GPAT4: variants seen among roughly 807,000 people sequenced by gnomAD.
The protein encoded by GPAT4 is glycerol-3-phosphate acyltransferase 4, also known as 1-AGP acyltransferase 6.
GPAT4 carries 17 observed loss-of-function variants against 58.0 expected under a neutral mutation model. The ratio of observed to expected loss-of-function variants is 0.29; its 90% confidence interval spans 0.20 to 0.44. GPAT4 has a LOEUF of 0.44. GPAT4 is among the 20% of genes least tolerant of loss of function. The pLI is 1.00. For missense variants in GPAT4, 377 were observed against 574.5 expected (o/e 0.66, Z 3.51); for synonymous variants, 204 against 210.1 (o/e 0.97, Z 0.25).
At chr8:41,587,051 C>A (rs1197053658) in intron 1 of GPAT4, among the ~76,000 whole-genome samples, 1 of 152,216 alleles carries the variant, frequency 6.6e-6, no homozygotes, top group Admixed American at 6.5e-5. Context: ...GTGGCTCATG[C>A]CCCTGCCATC....
At chr8:41,588,674 G>GTACT (rs1802716127) in intron 1 of GPAT4, among the ~76,000 whole-genome samples, 1 of 152,162 alleles carries the variant, frequency 6.6e-6, no homozygotes, top group Non-Finnish European at 1.5e-5. Context: ...AACACCTGAT[G>GTACT]TACTGTCTGG....
chr8:41,611,889 T>A lies in GPAT4; in HGVS notation c.612-14T>A. 1 of 1,612,758 alleles carries A rather than the reference T, an allele frequency of 6.2e-7. No homozygotes were observed. The highest frequency in any genetic ancestry group is 8.5e-7 in the Non-Finnish European group (1 of 1,178,730). ...TGTAAAATAAAACCCAGAATCCTTG[T>A]CCTGTTATTGCAGGTTTAAGGAGTT... On this transcript the variant is annotated splice_polypyrimidine_tract_variant and intron_variant, in intron 5 of 12. Transcript: ENST00000396987.
chr8:41,612,436 C>A (rs1803472095), intron 7 of GPAT4, among the ~76,000 whole-genome samples, 163 bp downstream of exon 7: 1 of 152,154 alleles, frequency 6.6e-6, no homozygotes, highest in Non-Finnish European at 1.5e-5. Flanking sequence ...AGGAGATACC[C>A]TGGGCAGAGT....
rs924518374 is a variant in GPAT4 at position 41,609,290 on chromosome 8, A to G, written c.166-126A>G. 84 of 979,524 alleles carry G rather than the reference A, an allele frequency of 8.6e-5. 1 individual carries two copies. Among genetic ancestry groups the G allele is most frequent in the South Asian group, 6.7e-4 (46 of 68,666 alleles). 60.7% of individuals were successfully genotyped at this position (979,524 alleles called of 1,614,324 possible). ...GGTGGTTTGAGTTTCCTTCTAGACT[A>G]TGTGCTTCTTGGCTACGGTCTTAGG... On this transcript the variant is annotated intron_variant, in intron 2 of 12. Transcript: ENST00000396987.
chr8:41,600,035 TC>T lies in GPAT4; in HGVS notation c.165+732del, dbSNP rs1803040169. ...TTGTTCATATTTTATCTTTTTCTTT[TC>T]TTTTTTTTTTTTTTTTTTCGAGACA... On this transcript the variant is annotated intron_variant, in intron 2 of 12. Transcript: ENST00000396987. 6.4e-5 allele frequency among the ~76,000 whole-genome samples: 8 copies of T among 124,062 alleles called. No homozygotes were observed. In the East Asian group the frequency reaches 8.7e-4, roughly 14 times the overall value. 81.4% of individuals were successfully genotyped at this position (124,062 alleles called of 152,430 possible).
In GPAT4 at chr8:41,621,179, G is replaced by C; in HGVS notation, c.*178G>C. On this transcript the variant is annotated 3_prime_UTR_variant, in exon 13 of 13. Coordinates refer to ENST00000396987, the MANE Select transcript of GPAT4 (RefSeq NM_178819.4). ...GCGGGATCCCTGTGCACCCGGCGCA[G>C]CCTACCCTTGGTGGTCTAAACGGAT... is the stretch of plus-strand genomic sequence containing the variant. The C allele has an allele frequency of 1.1e-6, 1 of 886,590 alleles. No individual in the cohort carries two copies. Among genetic ancestry groups the C allele is most frequent in the Non-Finnish European group, 1.7e-6 (1 of 596,378 alleles). 54.9% of individuals were successfully genotyped at this position (886,590 alleles called of 1,614,324 possible).
At position 41,623,805 on chromosome 8, in the gene GPAT4, A is replaced by C. The variant is rs967107071; in HGVS notation, c.*2804A>C. 1.3e-5 allele frequency: 2 copies of C among 151,562 alleles called. No homozygotes were observed. Among genetic ancestry groups the C allele is most frequent in the African/African-American group, 4.8e-5 (2 of 41,260 alleles). The allele number at this position is 151,562 out of a possible 1,614,324, so 9.4% of individuals were successfully genotyped here. On this transcript the variant is annotated 3_prime_UTR_variant, in exon 13 of 13. Transcript: ENST00000396987. ...GGTTCTCAGACAGCCTTTTTTACTC[A>C]AACATGAGACTTTCCACCCACCAGT...
chr8:41,609,088 A>G (rs1803363246), intron 2 of GPAT4, among the ~76,000 whole-genome samples: 1 of 152,228 alleles, frequency 6.6e-6, no homozygotes, highest in African/African-American at 2.4e-5. Context: ...TGCAGGAGGA[A>G]TCGTGAGGTC....
chr8:41,580,690 TTTTGTGAG>T (rs1231790301), intron 1 of GPAT4, among the ~76,000 whole-genome samples: 2 of 152,250 alleles, frequency 1.3e-5, no homozygotes, highest in Non-Finnish European at 2.9e-5. Context: ...TGGACTTTTC[TTTTGTGAG>T]TTTGTGACCT....
At chr8:41,610,841 G>A (rs1371441814) in intron 5 of GPAT4, 31 bp downstream of exon 5, 9 of 1,572,176 alleles carry the variant, frequency 5.7e-6, no homozygotes, top group Admixed American at 1.9e-5. Context: ...CATGCCTGAA[G>A]GACAGTTAGT....
At chr8:41,610,434 G>A in intron 4 of GPAT4, 3 of 1,268,712 alleles carry the variant, frequency 2.4e-6, no homozygotes, top group East Asian at 4.1e-5. Flanking sequence ...GAAGGGGAGG[G>A]CAGCAGGGAG....
Position 41,612,899 on chromosome 8 carries a change from G to A in GPAT4, c.850G>A (p.Ala284Thr). 6.2e-7 allele frequency: 1 copy of A among 1,614,126 alleles called. No individual in the cohort carries two copies. Among genetic ancestry groups the A allele is most frequent in the Non-Finnish European group, 8.5e-7 (1 of 1,180,026 alleles). The change falls in exon 8 of 13, where the codon GCC becomes ACC. Residue 284 changes from alanine (A) to threonine (T), a missense_variant. Coordinates refer to ENST00000396987, the MANE Select transcript of GPAT4 (RefSeq NM_178819.4). ...MGVIQRAMVK[A>T]CPHVWFERSE... ...TGTGATTCAGAGAGCCATGGTGAAG[G>A]CCTGCCCACACGTCTGGTTTGAGCG...
intron 1 of GPAT4, among the ~76,000 whole-genome samples, chr8:41,588,056 A>T (rs1275806155): frequency 6.6e-6 from 1 of 152,154 alleles, no homozygotes; most frequent in Non-Finnish European, 1.5e-5. Context: ...ATTTTGTGTC[A>T]TACGTTATAA....
chr8:41,600,589 T>G (rs1050991166), intron 2 of GPAT4, among the ~76,000 whole-genome samples: 13 of 110,724 alleles, frequency 1.2e-4, no homozygotes, highest in African/African-American at 2.9e-4. Context: ...GCATATGGTG[T>G]TTTTTTTTTT....
chr8:41,609,564 C>G, intron 3 of GPAT4, 79 bp downstream of exon 3: 1 of 1,600,564 alleles, frequency 6.2e-7, no homozygotes, highest in Non-Finnish European at 8.6e-7. Context: ...CACACACGCT[C>G]TTCCCTGCAT....
At chr8:41,585,233 A>G (rs1802621338) in intron 1 of GPAT4, among the ~76,000 whole-genome samples, 1 of 152,164 alleles carries the variant, frequency 6.6e-6, no homozygotes, top group Non-Finnish European at 1.5e-5. Context: ...GGGCCTATGT[A>G]TGTTCTGACA....
chr8:41,597,020 G>A (rs1259968280), intron 1 of GPAT4, among the ~76,000 whole-genome samples: 7 of 152,246 alleles, frequency 4.6e-5, no homozygotes, highest in South Asian at 4.1e-4. Context: ...CAGGACAGGG[G>A]TTTTCACGAT....
At chr8:41,594,702 CA>C (rs1802878123) in intron 1 of GPAT4, among the ~76,000 whole-genome samples, 2 of 152,016 alleles carry the variant, frequency 1.3e-5, no homozygotes, top group Admixed American at 6.6e-5. Flanking sequence ...CCCGCCACCA[CA>C]CCTGGCTAAT....
chr8:41,610,505 A>G, intron 4 of GPAT4: 1 of 1,388,584 alleles, frequency 7.2e-7, no homozygotes. Flanking sequence ...CTGAGGCCTC[A>G]GGAGATGCAG....
Sources: allele counts gnomAD v4.1 joint callset (sites outside exome capture counted in the v4.1 genomes callset), GRCh38; gene constraint gnomAD v4.1.1; transcripts MANE v1.5; gene names NCBI Gene and HGNC (gene_info 2026-07-23, HGNC 2026-07-21).